BTC: variants seen among roughly 807,000 people sequenced by gnomAD.
BTC encodes probetacellulin.
Under a neutral mutation model 18.1 loss-of-function variants are expected in BTC, and 13 were observed. The ratio of observed to expected loss-of-function variants is 0.72; its 90% CI spans 0.47 to 1.14. BTC has a LOEUF of 1.14. Among genes scored for constraint, BTC ranks in the 50% most tolerant of loss-of-function variants. The probability of loss-of-function intolerance (pLI) is 0.00; values close to 1 mark genes in which losing one functional copy is unlikely to be tolerated. For missense variants in BTC, 247 were observed against 224.2 expected (o/e 1.10, Z -0.65); for synonymous variants, 83 against 79.4 (o/e 1.05, Z -0.24).
chr4:74,787,143 A>T (rs1376790217), intron 1 of BTC, among the ~76,000 whole-genome samples: 6 of 152,206 alleles, frequency 3.9e-5, no homozygotes, highest in Non-Finnish European at 1.5e-5. Context: ...GAATGAATCC[A>T]CAGTCTTGCG....
At position 74,755,854 on chromosome 4, in the gene BTC, C is replaced by T. The variant is rs1724582276; in HGVS notation, c.281+5G>A. 2 of 1,613,642 alleles carry T rather than the reference C, an allele frequency of 1.2e-6. No individual in the cohort carries two copies. The highest frequency in any genetic ancestry group is 1.7e-5 in the Admixed American group (1 of 59,996). ...TTGCTTGCTGGCTGAGGACACTCCA[C>T]TTACACACAGGAGGGCGTCTGCTCG... On this transcript the variant is annotated splice_donor_5th_base_variant and intron_variant, in intron 3 of 5. Transcript: ENST00000395743.
At chr4:74,787,949 A>T (rs1368733055) in intron 1 of BTC, among the ~76,000 whole-genome samples, 1 of 152,224 alleles carries the variant, frequency 6.6e-6, no homozygotes, top group Non-Finnish European at 1.5e-5. Context: ...TGGACCTTAC[A>T]CAAAAGGTGG....
chr4:74,772,199 C>A (rs573989780), intron 1 of BTC, among the ~76,000 whole-genome samples: 6 of 152,192 alleles, frequency 3.9e-5, no homozygotes, highest in Middle Eastern at 3.4e-3. Context: ...CTTAATTTTC[C>A]TTATTTGTAC....
intron 1 of BTC, among the ~76,000 whole-genome samples, chr4:74,778,557 T>C (rs1477750399): frequency 1.3e-5 from 2 of 152,130 alleles, no homozygotes; most frequent in Non-Finnish European, 2.9e-5. Context: ...TGTTTACTAG[T>C]ATGTAGGCCA....
Position 74,746,520 on chromosome 4 carries a change from A to G in BTC, c.*157T>C, listed in dbSNP as rs1419452505. ...ATACATATAATTAATGTTCTTATTA[A>G]AAAATAATAACACAAACTAAAGTTG... On this transcript the variant is annotated 3_prime_UTR_variant, in exon 6 of 6. Coordinates refer to ENST00000395743, the MANE Select transcript of BTC (RefSeq NM_001729.4). 1 of 152,574 alleles carries G rather than the reference A, an allele frequency of 6.6e-6. No individual in the cohort carries two copies. Among genetic ancestry groups the G allele is most frequent in the African/African-American group, 2.4e-5 (1 of 41,438 alleles). 9.5% of individuals were successfully genotyped at this position (152,574 alleles called of 1,614,324 possible).
At chr4:74,790,508 G>A (rs1322236132) in intron 1 of BTC, among the ~76,000 whole-genome samples, 3 of 152,090 alleles carry the variant, frequency 2.0e-5, no homozygotes, top group Non-Finnish European at 4.4e-5. Context: ...ACATGACCCT[G>A]CCTCAAGATA....
At chr4:74,754,959 A>ACACACACT (rs1553956535) in intron 3 of BTC, among the ~76,000 whole-genome samples, 6 of 151,766 alleles carry the variant, frequency 4.0e-5, no homozygotes, top group Non-Finnish European at 8.8e-5. Context: ...ACACACACAC[A>ACACACACT]CACACACTCA....
intron 3 of BTC, among the ~76,000 whole-genome samples, chr4:74,751,107 A>G (rs1429301988): frequency 1.3e-5 from 2 of 152,204 alleles, no homozygotes; most frequent in Non-Finnish European, 2.9e-5. Context: ...GATAATGCAA[A>G]TAGTTTTGAT....
At chr4:74,794,221 G>T in intron 1 of BTC, 41 bp downstream of exon 1, 1 of 1,549,306 alleles carries the variant, frequency 6.5e-7, no homozygotes. Context: ...TCCAGCCCCA[G>T]ACTTTCCTCC....
At chr4:74,787,950 C>T (rs1305287972) in intron 1 of BTC, among the ~76,000 whole-genome samples, 1 of 152,154 alleles carries the variant, frequency 6.6e-6, no homozygotes, top group East Asian at 1.9e-4. Flanking sequence ...GGACCTTACA[C>T]AAAAGGTGGG....
rs1725600087 is a variant in BTC, at chr4:74,790,664, C to T, written c.64+3598G>A. ...GACTGGAGAATATACAGGAGTCACCCACAAATTCAAGGATAGAGTCAGACT... is the reference window on the plus strand; with the variant it reads ...GACTGGAGAATATACAGGAGTCACCTACAAATTCAAGGATAGAGTCAGACT... On this transcript the variant is annotated intron_variant, in intron 1 of 5. Transcript: ENST00000395743. Among the ~76,000 whole-genome samples, 5 of 152,134 alleles carry T rather than the reference C, an allele frequency of 3.3e-5. No homozygotes were observed. The South Asian group carries it at 1.0e-3, about 31-fold the overall frequency.
intron 2 of BTC, among the ~76,000 whole-genome samples, chr4:74,758,223 G>T (rs1375383244): frequency 1.3e-5 from 2 of 152,184 alleles, no homozygotes; most frequent in Non-Finnish European, 2.9e-5. Context: ...GAATGGCTGC[G>T]AATGAAAGTT....
At chr4:74,779,089 A>G (rs1022621037) in intron 1 of BTC, among the ~76,000 whole-genome samples, 4 of 149,636 alleles carry the variant, frequency 2.7e-5, no homozygotes, top group Non-Finnish European at 4.4e-5. Context: ...TGTTCATTCA[A>G]ATTCAGAAAA....
At chr4:74,749,577 C>T (rs1553955891) in intron 4 of BTC, among the ~76,000 whole-genome samples, 1 of 151,248 alleles carries the variant, frequency 6.6e-6, no homozygotes. Flanking sequence ...AAAGGAATCA[C>T]GAGAACCCTC....
chr4:74,777,049 C>T (rs1725193422), intron 1 of BTC, among the ~76,000 whole-genome samples: 2 of 152,082 alleles, frequency 1.3e-5, no homozygotes, highest in Non-Finnish European at 2.9e-5. Flanking sequence ...ATTTCATTGT[C>T]GCACCTCTAT....
chr4:74,765,472 A>T (rs1297082667), intron 2 of BTC, among the ~76,000 whole-genome samples: 2 of 152,132 alleles, frequency 1.3e-5, no homozygotes, highest in East Asian at 3.8e-4. Context: ...AGCAAGTGAA[A>T]AAGCTTAAAG....
chr4:74,772,387 G>T (rs963231336), intron 1 of BTC, among the ~76,000 whole-genome samples: 6 of 151,998 alleles, frequency 3.9e-5, no homozygotes, highest in Non-Finnish European at 8.8e-5. Context: ...AATCATTTAG[G>T]GCTTCTGAAG....
chr4:74,784,697 C>A (rs1725433221), intron 1 of BTC, among the ~76,000 whole-genome samples: 1 of 152,068 alleles, frequency 6.6e-6, no homozygotes, highest in African/African-American at 2.4e-5. Context: ...TGGTTTTTGT[C>A]TTTAGTTCTG....
chr4:74,758,233 T>C (rs1396118840), intron 2 of BTC, among the ~76,000 whole-genome samples: 2 of 152,318 alleles, frequency 1.3e-5, no homozygotes, highest in African/African-American at 4.8e-5. Context: ...GAATGAAAGT[T>C]AGAAATCTCA....
Sources: gnomAD v4.1 joint callset for allele counts (sites outside exome capture counted in the v4.1 genomes callset) on GRCh38, gnomAD v4.1.1 for gene constraint, MANE v1.5 for transcripts, NCBI Gene and HGNC (gene_info 2026-07-23, HGNC 2026-07-21) for gene names.